The following WAPL variants were observed in gnomAD, a reference collection of about 807,000 sequenced individuals.
WAPL encodes the protein WAPL cohesin release factor.
WAPL carries 5 observed loss-of-function variants against 121.0 expected under a neutral mutation model. That is an observed-to-expected ratio of 0.04 (90% confidence interval 0.02 to 0.09). The LOEUF is 0.09. Ranked by LOEUF, WAPL falls within the 10% of genes least tolerant of loss-of-function variation. WAPL has a pLI of 1.00. For missense variants in WAPL, 999 were observed against 1,410.8 expected (o/e 0.71, Z 4.68); for synonymous variants, 480 against 481.5 (o/e 1.00, Z 0.04).
chr10:86,460,375 T>G, intron 11 of WAPL, 24 bp downstream of exon 11: 1 of 1,588,166 alleles, frequency 6.3e-7, no homozygotes, highest in African/African-American at 1.3e-5. Flanking sequence ...GAATAATTTT[T>G]GCCAAATAGT....
chr10:86,462,630 G>T (rs1323917469), intron 9 of WAPL, among the ~76,000 whole-genome samples: 1 of 149,110 alleles, frequency 6.7e-6, no homozygotes, highest in African/African-American at 2.5e-5. Context: ...TGAGGCAGGA[G>T]GAATTGCTTG....
chr10:86,463,329 G>A (rs1339040961), intron 9 of WAPL, among the ~76,000 whole-genome samples: 2 of 152,200 alleles, frequency 1.3e-5, no homozygotes, highest in Non-Finnish European at 2.9e-5. Context: ...CCTTCAGGAG[G>A]TATTCCAAGA....
intron 4 of WAPL, among the ~76,000 whole-genome samples, chr10:86,496,375 A>T (rs1452215152): frequency 6.6e-6 from 1 of 152,174 alleles, no homozygotes; most frequent in Non-Finnish European, 1.5e-5. Flanking sequence ...CACAGAGAAC[A>T]GTTTGGCAGT....
chr10:86,487,917 AAG>A (rs970390632), intron 4 of WAPL, among the ~76,000 whole-genome samples: 1 of 152,148 alleles, frequency 6.6e-6, no homozygotes, highest in African/African-American at 2.4e-5. Context: ...CAAACAAAAA[AAG>A]AGTTAATGCT....
chr10:86,455,052 G>A (rs1397368083), intron 12 of WAPL, among the ~76,000 whole-genome samples: 4 of 147,408 alleles, frequency 2.7e-5, no homozygotes, highest in African/African-American at 5.1e-5. Context: ...CAGCCGCCCC[G>A]TCCGGGAGGG....
chr10:86,505,753 C>G (rs1400745764), intron 2 of WAPL, among the ~76,000 whole-genome samples: 2 of 151,930 alleles, frequency 1.3e-5, no homozygotes, highest in Non-Finnish European at 2.9e-5. Flanking sequence ...GGATAAAATT[C>G]TGAAGGGGAA....
intron 15 of WAPL, among the ~76,000 whole-genome samples, chr10:86,451,330 ATAAAG>A (rs1840972426): frequency 6.6e-6 from 1 of 152,178 alleles, no homozygotes; most frequent in Admixed American, 6.5e-5. Flanking sequence ...AATCAGCAAA[ATAAAG>A]TAAGAATGCA....
intron 9 of WAPL, among the ~76,000 whole-genome samples, chr10:86,463,254 G>A (rs1841329748): frequency 6.6e-6 from 1 of 152,238 alleles, no homozygotes; most frequent in African/African-American, 2.4e-5. Context: ...TCGTGCTACT[G>A]CACTCCAGCC....
chr10:86,497,938 A>C (rs1002325676), intron 3 of WAPL, among the ~76,000 whole-genome samples: 1 of 152,234 alleles, frequency 6.6e-6, no homozygotes, highest in African/African-American at 2.4e-5. Context: ...TCTTTTTCTA[A>C]GCGAAACAAA....
At chr10:86,507,365 CAAAAAAAAA>C (rs34752630) in intron 2 of WAPL, among the ~76,000 whole-genome samples, 18 of 77,702 alleles carry the variant, frequency 2.3e-4, no homozygotes, top group Middle Eastern at 7.4e-3. Flanking sequence ...GACTCTGTCT[CAAAAAAAAA>C]AAAAAAAAAA....
intron 4 of WAPL, among the ~76,000 whole-genome samples, chr10:86,480,871 C>T (rs10788510): frequency 0.99 from 151,361 of 152,340 alleles, 75,199 homozygotes; most frequent in East Asian, 1. Context: ...ATCAATAGTC[C>T]AGAAATGGTA....
At chr10:86,442,822 G>A (rs1052557153) in intron 17 of WAPL, among the ~76,000 whole-genome samples, 1 of 152,080 alleles carries the variant, frequency 6.6e-6, no homozygotes, top group Non-Finnish European at 1.5e-5. Context: ...GGCGGATCAC[G>A]AGGTCAGGAG....
chr10:86,455,808 G>A (rs1277215101), intron 12 of WAPL, among the ~76,000 whole-genome samples: 2 of 151,786 alleles, frequency 1.3e-5, no homozygotes, highest in African/African-American at 4.8e-5. Flanking sequence ...ATACTTAACA[G>A]CAGGTGGGTT....
chr10:86,482,623 G>T (rs532772500), intron 4 of WAPL, among the ~76,000 whole-genome samples: 6 of 152,298 alleles, frequency 3.9e-5, no homozygotes, highest in Admixed American at 3.3e-4. Context: ...GAAGAAAGAA[G>T]TTTTCACAAA....
chr10:86,450,608 A>G (rs568462345), intron 15 of WAPL, among the ~76,000 whole-genome samples: 2 of 152,320 alleles, frequency 1.3e-5, no homozygotes, highest in South Asian at 2.1e-4. Flanking sequence ...AACATTTTCA[A>G]ATGTTTTTTG....
rs996312176 is a variant in WAPL at position 86,497,456 on chromosome 10, C to T, written c.1526-137G>A. ...GGAAATCACAGCACCACAGAGCTGA[C>T]AAAATACTCCCTAGAATAAGAAGTT... is the stretch of plus-strand genomic sequence containing the variant. On this transcript the variant is annotated intron_variant, in intron 3 of 18. Transcript: ENST00000298767. The T allele has an allele frequency of 5.1e-5, 34 of 662,548 alleles. No homozygotes were observed. In the East Asian group the frequency reaches 6.9e-4, roughly 13 times the overall value. 41.0% of individuals were successfully genotyped at this position (662,548 alleles called of 1,614,324 possible). A position where few individuals can be genotyped will look rare whatever the true frequency, so the allele number is the denominator to read the frequency against.
Position 86,435,997 on chromosome 10 carries a change from T to C in WAPL, c.*1546A>G, listed in dbSNP as rs1271221267. On this transcript the variant is annotated 3_prime_UTR_variant, in exon 19 of 19. Coordinates refer to ENST00000298767, the MANE Select transcript of WAPL (RefSeq NM_015045.5). ...GTTCCCACGTTACACTGGCGTACTA[T>C]GTTCTTAAAAGGTGATGGGTAGGGG... 2 of 152,516 alleles carry C rather than the reference T, an allele frequency of 1.3e-5. No individual in the cohort carries two copies. The highest frequency in any genetic ancestry group is 2.9e-5 in the Non-Finnish European group (2 of 68,040). The allele number at this position is 152,516 out of a possible 1,614,324, so 9.4% of individuals were successfully genotyped here.
In WAPL at chr10:86,521,687, C is replaced by G. The variant is rs763766768; in HGVS notation, c.-345G>C. 4.3e-6 allele frequency: 2 copies of G among 464,116 alleles called. No individual in the cohort carries two copies. Among genetic ancestry groups the G allele is most frequent in the Non-Finnish European group, 8.9e-6 (2 of 224,582 alleles). 28.7% of individuals were successfully genotyped at this position (464,116 alleles called of 1,614,324 possible). A position where few individuals can be genotyped will look rare whatever the true frequency, so the allele number is the denominator to read the frequency against. On this transcript the variant is annotated 5_prime_UTR_variant, in exon 1 of 19. Transcript: ENST00000298767. Reference sequence around the variant, plus strand: ...CCGCCTCCTGCGCCGCCGCTTCCGCCGGTGAATGGTCAGTGCTGGAGTTTG... The same window carrying G: ...CCGCCTCCTGCGCCGCCGCTTCCGCGGGTGAATGGTCAGTGCTGGAGTTTG...
At chr10:86,518,525 C>T (rs916915925) in intron 1 of WAPL, among the ~76,000 whole-genome samples, 1 of 152,148 alleles carries the variant, frequency 6.6e-6, no homozygotes, top group African/African-American at 2.4e-5. Context: ...CTGCCCAACA[C>T]GGTGAAACCC....
Sources: gnomAD v4.1 joint callset for allele counts (sites outside exome capture counted in the v4.1 genomes callset) on GRCh38, gnomAD v4.1.1 for gene constraint, MANE v1.5 for transcripts, NCBI Gene and HGNC (gene_info 2026-07-23, HGNC 2026-07-21) for gene names.